ATAD3A: variants seen among roughly 807,000 people sequenced by gnomAD.
ATAD3A encodes ATPase family AAA domain-containing protein 3A.
A neutral mutation model predicts 73.8 loss-of-function variants in ATAD3A; 46 were observed. The ratio of observed to expected loss-of-function variants is 0.62; its 90% CI spans 0.49 to 0.80. The LOEUF (loss-of-function observed/expected upper bound fraction) is 0.80. Among genes scored for constraint, ATAD3A ranks in the 30% least tolerant of loss-of-function variants. ATAD3A has a pLI of 0.00. For missense variants in ATAD3A, 705 were observed against 838.0 expected (o/e 0.84, Z 1.96); for synonymous variants, 319 against 350.0 (o/e 0.91, Z 0.99).
In ATAD3A at chr1:1,523,825, G is replaced by A. The variant is rs750369674; in HGVS notation, c.964-14G>A. 5.7e-5 allele frequency: 92 copies of A among 1,613,646 alleles called. No homozygotes were observed. The highest frequency in any genetic ancestry group is 6.4e-5 in the Non-Finnish European group (75 of 1,179,982). On this transcript the variant is annotated splice_polypyrimidine_tract_variant and intron_variant, in intron 9 of 15. Coordinates refer to ENST00000378756, the MANE Select transcript of ATAD3A (RefSeq NM_001170535.3). The surrounding 1 kb of genome is among the most constrained non-coding windows in gnomAD (Gnocchi z 5.1). The stretch of plus-strand genomic sequence containing the variant: ...TGCACAGTGTCTCCTCCAAACCCCC[G>A]TCTTCCCCGGCAGCCCAGCCTGGAA...
At chr1:1,516,771 G>T (rs570908257) in intron 2 of ATAD3A, among the ~76,000 whole-genome samples, 4 of 152,044 alleles carry the variant, frequency 2.6e-5, no homozygotes, top group African/African-American at 9.6e-5. Context: ...AGGCCGGTGT[G>T]CAGTGGCGTG....
At chr1:1,527,918 C>T (rs1159434186) in intron 14 of ATAD3A, 56 bp downstream of exon 14, 25 of 1,546,312 alleles carry the variant, frequency 1.6e-5, no homozygotes, top group Admixed American at 3.9e-5. Context: ...GGGTCCACCC[C>T]GACCCACAGT....
intron 4 of ATAD3A, 137 bp from the exon 5 acceptor site, chr1:1,518,784 C>G (rs1641479723): frequency 1.3e-6 from 2 of 1,544,576 alleles, no homozygotes; most frequent in Non-Finnish European, 1.8e-6. Context: ...ACCGTCACCC[C>G]CCGCAAACGG....
At chr1:1,527,544 C>A in intron 13 of ATAD3A, 151 bp from the exon 14 acceptor site, 1 of 1,193,158 alleles carries the variant, frequency 8.4e-7, no homozygotes, top group Non-Finnish European at 1.1e-6. Flanking sequence ...CAGCTGGGTG[C>A]AGTGGGGCAG....
chr1:1,516,542 A>G (rs1429888052), intron 2 of ATAD3A, among the ~76,000 whole-genome samples: 1 of 151,990 alleles, frequency 6.6e-6, no homozygotes, highest in Non-Finnish European at 1.5e-5. Flanking sequence ...CCTCCTGAAT[A>G]GCTGGGATTA....
Position 1,512,230 on chromosome 1 carries a change from G to C in ATAD3A, c.-39G>C, listed in dbSNP as rs578231625. ...AGCCGCGCGCGAGTCAGACTCGGGT[G>C]GGGGTCCCGGCGGCGGTAGCGGCGG... On this transcript the variant is annotated 5_prime_UTR_variant, in exon 1 of 16. Transcript: ENST00000378756. 3.9e-6 allele frequency: 5 copies of C among 1,270,526 alleles called. No homozygotes were observed. In the African/African-American group the frequency reaches 6.1e-5, roughly 16 times the overall value. The allele number at this position is 1,270,526 out of a possible 1,614,324, so 78.7% of individuals were successfully genotyped here.
chr1:1,523,171 G>T lies in ATAD3A; in HGVS notation c.906+272G>T, dbSNP rs761590688. Among the ~76,000 whole-genome samples the T allele has an allele frequency of 7.9e-5, 12 of 152,006 alleles. No individual in the cohort carries two copies. The highest frequency in any genetic ancestry group is 1.0e-4 in the Non-Finnish European group (7 of 68,002). ...GGGGTCCTTGCAAGACCCGGGACTTGGGTGTGCGGCCGTCTATCAGGGAAG... is the reference window on the plus strand; with the variant it reads ...GGGGTCCTTGCAAGACCCGGGACTTTGGTGTGCGGCCGTCTATCAGGGAAG... On this transcript the variant is annotated intron_variant, in intron 8 of 15. Transcript: ENST00000378756. This position sits in a 1 kb window ranked among gnomAD's most constrained non-coding sequence, Gnocchi z 5.1.
At position 1,520,221 on chromosome 1, in the gene ATAD3A, G is replaced by T. The variant is rs770015620; in HGVS notation, c.595G>T (p.Ala199Ser). Residue 199 changes from alanine (A) to serine (S), a missense_variant, in exon 6 of 16, where the codon GCC (alanine) becomes TCC (serine). Ala to Ser is a moderately conservative substitution (Grantham distance 99). This residue lies in a region of ATAD3A where 315 missense variants were observed against 334.1 expected (regional missense o/e 0.94). Coordinates refer to ENST00000378756, the MANE Select transcript of ATAD3A (RefSeq NM_001170535.3). The surrounding 1 kb of genome is among the most constrained non-coding windows in gnomAD (Gnocchi z 4.0). ...VEAEARARAK[A>S]ERENADIIRE... is the part of the protein sequence containing the mutation. ...GGCCGAGGCCCGGGCGCGCGCCAAG[G>T]CCGAGCGGGAGAATGCAGACATCAT... 4 of 1,612,200 alleles carry T rather than the reference G, an allele frequency of 2.5e-6. No homozygotes were observed. The highest frequency in any genetic ancestry group is 2.7e-5 in the African/African-American group (2 of 74,906).
intron 7 of ATAD3A, among the ~76,000 whole-genome samples, chr1:1,521,581 T>A (rs1398972910): frequency 6.6e-6 from 1 of 152,248 alleles, no homozygotes; most frequent in African/African-American, 2.4e-5. Context: ...GAGCTGTGAC[T>A]GCAGCGCCTG....
chr1:1,516,158 T>C (rs1641351103), intron 2 of ATAD3A, 70 bp downstream of exon 2: 2 of 1,603,712 alleles, frequency 1.2e-6, no homozygotes, highest in African/African-American at 2.7e-5. Context: ...TTGGTAGGGC[T>C]ACTGCCGGTG....
At chr1:1,517,213 G>A (rs1167365937) in intron 2 of ATAD3A, 98 bp from the exon 3 acceptor site, 2 of 1,545,382 alleles carry the variant, frequency 1.3e-6, no homozygotes, top group Middle Eastern at 1.7e-4. Flanking sequence ...GTCTGGGCAT[G>A]GAGTCTCTGC....
chr1:1,533,803 T>C (rs1642117855), intron 15 of ATAD3A, 123 bp from the exon 16 acceptor site: 24 of 1,331,016 alleles, frequency 1.8e-5, no homozygotes, highest in Middle Eastern at 2.6e-4. Context: ...GGGAAGCCTG[T>C]GTTTCACGCT....
intron 15 of ATAD3A, among the ~76,000 whole-genome samples, chr1:1,531,225 C>A (rs896358800): frequency 1.3e-5 from 2 of 151,518 alleles, no homozygotes; most frequent in Non-Finnish European, 2.9e-5. Flanking sequence ...GAGGCCAAGG[C>A]GGGCAGATCA....
In ATAD3A at chr1:1,516,220, T is replaced by C. The variant is rs1422000474; in HGVS notation, c.282+132T>C. 2.2e-6 allele frequency: 3 copies of C among 1,392,130 alleles called. No homozygotes were observed. In the East Asian group the frequency reaches 7.5e-5, roughly 35 times the overall value. 86.2% of individuals were successfully genotyped at this position (1,392,130 alleles called of 1,614,324 possible). On this transcript the variant is annotated intron_variant, in intron 2 of 15. Coordinates refer to ENST00000378756, the MANE Select transcript of ATAD3A (RefSeq NM_001170535.3). Reference sequence around the variant, plus strand: ...CAGCAGTGGGGCCCAGGGCCAAGCTTGGGCGCCTCATTTCACAGAAGGAAA... The same window carrying C: ...CAGCAGTGGGGCCCAGGGCCAAGCTCGGGCGCCTCATTTCACAGAAGGAAA...
intron 7 of ATAD3A, among the ~76,000 whole-genome samples, chr1:1,521,500 C>T (rs1482331259): frequency 6.6e-6 from 1 of 152,122 alleles, no homozygotes; most frequent in Non-Finnish European, 1.5e-5. Flanking sequence ...TCCTCCGTCC[C>T]CACCCCGCCC....
intron 15 of ATAD3A, among the ~76,000 whole-genome samples, chr1:1,532,128 T>A (rs1429050497): frequency 2.0e-5 from 3 of 152,186 alleles, no homozygotes; most frequent in African/African-American, 7.2e-5. Flanking sequence ...ATCCTTGCAT[T>A]CCAGGAATAA....
At position 1,515,312 on chromosome 1, in the gene ATAD3A, A is replaced by G. The variant is rs538841821; in HGVS notation, c.206-700A>G. Among the ~76,000 whole-genome samples, 4 of 152,268 alleles carry G rather than the reference A, an allele frequency of 2.6e-5. No individual in the cohort carries two copies. In the East Asian group the frequency reaches 7.7e-4, roughly 29 times the overall value. On this transcript the variant is annotated intron_variant, in intron 1 of 15. Transcript: ENST00000378756. ...GGCCGGTCTCTAACTCCTGGACTCA[A>G]GTGATCCACCCGTCTCAGCCTCTCA...
At chr1:1,532,406 G>GTC (rs1334234918) in intron 15 of ATAD3A, among the ~76,000 whole-genome samples, 2 of 152,200 alleles carry the variant, frequency 1.3e-5, no homozygotes, top group African/African-American at 4.8e-5. Context: ...TCAGGTCCAG[G>GTC]TCTTGTCTTT....
At position 1,526,533 on chromosome 1, in the gene ATAD3A, T is replaced by C; in HGVS notation, c.1337+2T>C. ...CCGCACGGGCCAGCACAGCAACAAG[T>C]GAGGGAGCCCCTCGGGTCCTGGGCC... On this transcript the variant is annotated splice_donor_variant, in intron 13 of 15. Coordinates refer to ENST00000378756, the MANE Select transcript of ATAD3A (RefSeq NM_001170535.3). LOFTEE classifies it high-confidence loss of function. 1 of 1,612,360 alleles carries C rather than the reference T, an allele frequency of 6.2e-7. No individual in the cohort carries two copies. Among genetic ancestry groups the C allele is most frequent in the Non-Finnish European group, 8.5e-7 (1 of 1,179,664 alleles).
Sources: allele counts gnomAD v4.1 joint callset (sites outside exome capture counted in the v4.1 genomes callset), GRCh38; gene constraint gnomAD v4.1.1; regional missense constraint gnomAD v4.1.1; non-coding constraint Gnocchi (gnomAD v3.1); transcripts MANE v1.5; gene names NCBI Gene and HGNC (gene_info 2026-07-23, HGNC 2026-07-21).